The following ATP12A variants were observed in gnomAD, a reference collection of about 807,000 sequenced individuals.
ATP12A encodes the protein ATPase H+/K+ transporting non-gastric alpha2 subunit.
In ATP12A, 81 loss-of-function variants were observed where a neutral mutation model predicts 111.2. The ratio of observed to expected loss-of-function variants is 0.73; its 90% CI spans 0.61 to 0.88. The LOEUF (loss-of-function observed/expected upper bound fraction) is 0.88. Among genes scored for constraint, ATP12A ranks in the 40% least tolerant of loss-of-function variants. The pLI, the probability that ATP12A is intolerant of heterozygous loss-of-function variation, is 0.00. For synonymous variants in ATP12A, 498 were observed against 499.8 expected, an observed-to-expected ratio of 1.00 and a Z score of 0.05; for missense variants, 1,196 against 1,313.1, an observed-to-expected ratio of 0.91 and a Z score of 1.38.
chr13:24,686,542 CAT>C (rs1402374897), intron 3 of ATP12A, among the ~76,000 whole-genome samples: 1 of 151,904 alleles, frequency 6.6e-6, no homozygotes, highest in Non-Finnish European at 1.5e-5. Context: ...AGATCGAGAC[CAT>C]CCTGGCTAAC....
intron 11 of ATP12A, 103 bp from the exon 12 acceptor site, chr13:24,698,555 A>G: frequency 8.0e-7 from 1 of 1,244,366 alleles, no homozygotes; most frequent in South Asian, 1.5e-5. Flanking sequence ...CATGCTGAGG[A>G]TGCCATTGTG....
At chr13:24,706,806 C>T (rs1013226254) in intron 15 of ATP12A, among the ~76,000 whole-genome samples, 2 of 152,222 alleles carry the variant, frequency 1.3e-5, no homozygotes, top group South Asian at 2.1e-4. Context: ...AAGACACCTG[C>T]GCATTAGGTT....
Position 24,707,080 on chromosome 13 carries a change from G to C in ATP12A, c.2227G>C (p.Ala743Pro). 6.2e-7 allele frequency: 1 copy of C among 1,614,050 alleles called. No homozygotes were observed. Among genetic ancestry groups the C allele is most frequent in the Non-Finnish European group, 8.5e-7 (1 of 1,179,986 alleles). Reference protein sequence around the residue: ...GVNDSPALKKADIGIAMGIAG... With the variant: ...GVNDSPALKKPDIGIAMGIAG... The stretch of plus-strand genomic sequence containing the variant: ...TAATGACTCTCCGGCTCTAAAGAAG[G>C]CAGACATTGGGATTGCCATGGGGAT... The change falls in exon 16 of 23, where the codon GCA becomes CCA. Residue 743 changes from alanine to proline, a missense_variant. By Grantham distance (27) the Ala-to-Pro change is conservative. Transcript: ENST00000381946.
At chr13:24,705,364 G>C (rs550821477) in intron 14 of ATP12A, among the ~76,000 whole-genome samples, 1 of 152,324 alleles carries the variant, frequency 6.6e-6, no homozygotes, top group African/African-American at 2.4e-5. Context: ...CCCCACCTGG[G>C]CTCGCTGGCT....
chr13:24,691,224 C>T lies in ATP12A; in HGVS notation c.1042C>T (p.Pro348Ser), dbSNP rs1874890478. 1.9e-6 allele frequency: 3 copies of T among 1,613,302 alleles called. No homozygotes were observed. Among genetic ancestry groups the T allele is most frequent in the South Asian group, 2.2e-5 (2 of 91,058 alleles). ...CATTGGCATCATTGTGGCCAATGTG[C>T]CCGAGGGCCTCCTGGCCACTGTCAC... is the stretch of plus-strand genomic sequence containing the variant. ...FLIGIIVANV[P>S]EGLLATVTVT... The change falls in exon 8 of 23, where the codon CCC (proline) becomes TCC (serine). Residue 348 changes from proline (P) to serine (S), a missense_variant. By Grantham distance (74) the Pro-to-Ser change is moderately conservative (BLOSUM62 -1). Around this residue, in one of 3 missense-constraint regions of ATP12A, gnomAD observed 1,126 missense variants for 1,228.5 expected, o/e 0.92. Coordinates refer to ENST00000381946, the MANE Select transcript of ATP12A (RefSeq NM_001676.7).
At position 24,680,669 on chromosome 13, in the gene ATP12A, C is replaced by G. The variant is rs1874394837; in HGVS notation, c.-75C>G. The G allele has an allele frequency of 6.7e-7, 1 of 1,483,464 alleles. No homozygotes were observed. Among genetic ancestry groups the G allele is most frequent in the African/African-American group, 1.5e-5 (1 of 68,272 alleles). The allele number at this position is 1,483,464 out of a possible 1,614,324, so 91.9% of individuals were successfully genotyped here. Reference sequence around the variant, plus strand: ...GCCACTGCCACAGCCACACGAGGCCCCCCACCGTGCGCTCCGCCGCTGCGG... The same window carrying G: ...GCCACTGCCACAGCCACACGAGGCCGCCCACCGTGCGCTCCGCCGCTGCGG... On this transcript the variant is annotated 5_prime_UTR_variant, in exon 1 of 23. Transcript: ENST00000381946.
chr13:24,681,496 G>C (rs1874429644), intron 1 of ATP12A, 66 bp from the exon 2 acceptor site: 2 of 1,561,744 alleles, frequency 1.3e-6, no homozygotes, highest in Middle Eastern at 2.1e-4. Flanking sequence ...ACCCCGCAGA[G>C]GGGCGCTCAG....
intron 17 of ATP12A, 85 bp from the exon 18 acceptor site, chr13:24,709,279 G>GGCCCCCCC: frequency 4.7e-6 from 1 of 211,220 alleles, no homozygotes; most frequent in Admixed American, 5.7e-5. Flanking sequence ...TCCAGCCAGT[G>GGCCCCCCC]CCCCACCCAC....
At position 24,707,024 on chromosome 13, in the gene ATP12A, A is replaced by C. The variant is rs373330777; in HGVS notation, c.2171A>C (p.Asp724Ala). The C allele has an allele frequency of 1.9e-6, 3 of 1,597,578 alleles. No homozygotes were observed. The African/African-American group carries it at 4.0e-5, about 21-fold the overall frequency. Residue 724 changes from aspartate (D) to alanine (A), a missense_variant and splice_region_variant, in exon 16 of 23, where the codon GAT becomes GCT. Asp to Ala is a moderately radical substitution (Grantham distance 126). Transcript: ENST00000381946. ...LIIVEGCQRQDAVVAVTGDGV... is the reference protein window; with the variant it reads ...LIIVEGCQRQAAVVAVTGDGV... The stretch of plus-strand genomic sequence containing the variant: ...TTCTCCCTGGGTCCCCCGCCATAGG[A>C]TGCTGTTGTTGCTGTGACCGGGGAT...
In ATP12A at chr13:24,680,522, C is replaced by A. The variant is rs1874386759; in HGVS notation, c.-222C>A. The A allele has an allele frequency of 8.2e-6, 4 of 490,500 alleles. No individual in the cohort carries two copies. In the South Asian group the frequency reaches 1.0e-4, roughly 13 times the overall value. 30.4% of individuals were successfully genotyped at this position (490,500 alleles called of 1,614,324 possible). ...GCCTGCGCCCTGGCGGGGACGTGGG[C>A]GGGGCGGGCGGCATTTAAGGCTGGT... On this transcript the variant is annotated 5_prime_UTR_variant, in exon 1 of 23. Coordinates refer to ENST00000381946, the MANE Select transcript of ATP12A (RefSeq NM_001676.7).
At position 24,711,556 on chromosome 13, in the gene ATP12A, G is replaced by A. The variant is rs774854454; in HGVS notation, c.*34G>A. 27 of 1,613,426 alleles carry A rather than the reference G, an allele frequency of 1.7e-5. No individual in the cohort carries two copies. The Admixed American group carries it at 2.5e-4, about 15-fold the overall frequency. ...CCCTTCCTATGTCTCTCAGCAGCAC[G>A]TTGGGGCACACTTGTTCATCTTCTG... On this transcript the variant is annotated 3_prime_UTR_variant, in exon 23 of 23. Transcript: ENST00000381946.
chr13:24,711,720 A>G lies in ATP12A; in HGVS notation c.*198A>G, dbSNP rs992190494. On this transcript the variant is annotated 3_prime_UTR_variant, in exon 23 of 23. Transcript: ENST00000381946. The stretch of plus-strand genomic sequence containing the variant: ...ACTGAAATTCAACTCTTTATATAGG[A>G]TTTTCTTTTCTATCTCCATCTCCTC... 13 of 669,686 alleles carry G rather than the reference A, an allele frequency of 1.9e-5. No individual in the cohort carries two copies. The East Asian group carries it at 3.0e-4, about 16-fold the overall frequency. The allele number at this position is 669,686 out of a possible 1,614,324, so 41.5% of individuals were successfully genotyped here.
rs907889552 is a variant in ATP12A at position 24,696,422 on chromosome 13, G to A, written c.1512+1844G>A. 3.7e-5 allele frequency among the ~76,000 whole-genome samples: 5 copies of A among 133,652 alleles called. 2 individuals are homozygous for A. In the Admixed American group the frequency reaches 4.3e-4, roughly 11 times the overall value. 87.7% of individuals were successfully genotyped at this position (133,652 alleles called of 152,430 possible). A position where few individuals can be genotyped will look rare whatever the true frequency, so the allele number is the denominator to read the frequency against. ...CAGAGTGGGACTAGAAAGGGGAGAG[G>A]GGGGCCGGGCGCGGTGGCTCACGCC... On this transcript the variant is annotated intron_variant, in intron 11 of 22. Coordinates refer to ENST00000381946, the MANE Select transcript of ATP12A (RefSeq NM_001676.7).
chr13:24,690,231 T>C (rs735770), intron 5 of ATP12A, 107 bp from the exon 6 acceptor site: 363,973 of 1,511,800 alleles, frequency 0.24, 47,807 homozygotes, highest in East Asian at 0.5. Context: ...GTGAGAGTGA[T>C]CAGGAAGTTC....
chr13:24,699,444 C>T (rs1875301773), intron 12 of ATP12A, among the ~76,000 whole-genome samples: 1 of 152,160 alleles, frequency 6.6e-6, no homozygotes, highest in South Asian at 2.1e-4. Flanking sequence ...GAGAGATGCA[C>T]ATCTCCATAG....
chr13:24,681,939 TG>T (rs1874456442), intron 2 of ATP12A, among the ~76,000 whole-genome samples: 1 of 131,442 alleles, frequency 7.6e-6, no homozygotes. Flanking sequence ...GTGTAGTGTG[TG>T]GTGTGTGTGT....
At position 24,692,893 on chromosome 13, in the gene ATP12A, G is replaced by C; in HGVS notation, c.1374G>C (p.Met458Ile). The C allele has an allele frequency of 6.2e-7, 1 of 1,613,216 alleles. No homozygotes were observed. Among genetic ancestry groups the C allele is most frequent in the Non-Finnish European group, 8.5e-7 (1 of 1,179,148 alleles). The change falls in exon 10 of 23, where the codon ATG becomes ATC. Residue 458 changes from methionine (M) to isoleucine (I), a missense_variant. Coordinates refer to ENST00000381946, the MANE Select transcript of ATP12A (RefSeq NM_001676.7). Reference protein sequence around the residue: ...FKPGQENVPIMKKAVIGDASE... With the variant: ...FKPGQENVPIIKKAVIGDASE... Reference sequence around the variant, plus strand: ...CAGGACAGGAAAATGTCCCCATCATGAAGGTAATGCTTCTGCAGCACTTGG... The same window carrying C: ...CAGGACAGGAAAATGTCCCCATCATCAAGGTAATGCTTCTGCAGCACTTGG...
At chr13:24,691,421 T>A (rs779329402) in intron 8 of ATP12A, among the ~76,000 whole-genome samples, 171 bp downstream of exon 8, 19 of 152,202 alleles carry the variant, frequency 1.2e-4, no homozygotes, top group African/African-American at 4.1e-4. Context: ...AGACAAAAAA[T>A]TTGTCATATT....
In ATP12A at chr13:24,690,589, C is replaced by T. The variant is rs1421297493; in HGVS notation, c.682-15C>T. The T allele has an allele frequency of 6.2e-7, 1 of 1,607,132 alleles. No individual in the cohort carries two copies. Among genetic ancestry groups the T allele is most frequent in the Non-Finnish European group, 8.5e-7 (1 of 1,176,318 alleles). On this transcript the variant is annotated splice_polypyrimidine_tract_variant and intron_variant, in intron 6 of 22. Transcript: ENST00000381946. ...GAGGTACCCAGCTGTGAACCACCTT[C>T]AACATTTCTTCTAGGTGGATAACTC...
Sources: allele counts gnomAD v4.1 joint callset (sites outside exome capture counted in the v4.1 genomes callset), GRCh38; gene constraint gnomAD v4.1.1; regional missense constraint gnomAD v4.1.1; transcripts MANE v1.5; gene names NCBI Gene and HGNC (gene_info 2026-07-23, HGNC 2026-07-21).